Variants in FIG4 observed in about 807,000 individuals in gnomAD.
The protein encoded by FIG4 is polyphosphoinositide phosphatase.
FIG4 carries 112 observed loss-of-function variants against 118.6 expected under a neutral mutation model. That is an observed-to-expected ratio of 0.94 (90% CI 0.81 to 1.11). The LOEUF is 1.11. Among genes scored for constraint, FIG4 ranks in the 50% least tolerant of loss-of-function variants. The probability of loss-of-function intolerance (pLI) is 0.00; values close to 1 mark genes in which losing one functional copy is unlikely to be tolerated. For synonymous variants in FIG4, 369 were observed against 381.2 expected (o/e 0.97, Z 0.37); for missense variants, 969 against 1,111.7 (o/e 0.87, Z 1.83).
intron 3 of FIG4, 61 bp downstream of exon 3, chr6:109,716,629 G>T: frequency 5.1e-6 from 8 of 1,582,012 alleles, no homozygotes; most frequent in Non-Finnish European, 6.1e-6. Flanking sequence ...TCTCTACATA[G>T]ACTACTTAAA....
intron 22 of FIG4, among the ~76,000 whole-genome samples, chr6:109,818,261 C>T (rs1016739852): frequency 2.6e-5 from 4 of 151,666 alleles, no homozygotes; most frequent in Admixed American, 2.6e-4. Flanking sequence ...AGGGCAATGG[C>T]GCGATCTTGG....
intron 1 of FIG4, among the ~76,000 whole-genome samples, chr6:109,706,021 T>C (rs1051276815): frequency 8.5e-5 from 13 of 152,312 alleles, no homozygotes; most frequent in Non-Finnish European, 1.3e-4. Flanking sequence ...AAATGATTAC[T>C]CTGTGGTACA....
intron 10 of FIG4, among the ~76,000 whole-genome samples, chr6:109,759,098 G>C (rs942439549): frequency 6.6e-6 from 1 of 152,114 alleles, no homozygotes; most frequent in Non-Finnish European, 1.5e-5. Flanking sequence ...CCATTACTGG[G>C]TATATACTCA....
chr6:109,765,091 C>G lies in FIG4; in HGVS notation c.1513C>G (p.Leu505Val), dbSNP rs765859184. Residue 505 changes from leucine to valine, a missense_variant, in exon 14 of 23, where the codon CTG becomes GTG. Leu to Val is a conservative substitution (Grantham distance 32, BLOSUM62 1). Coordinates refer to ENST00000230124, the MANE Select transcript of FIG4 (RefSeq NM_014845.6). The part of the protein sequence containing the change: ...TAQFMVGKCA[L>V]AYQLYSLGLI... Reference sequence around the variant, plus strand: ...ACAGTTTATGGTGGGAAAATGTGCTCTGGCCTATCAGCTGTATTCACTGGG... The same window carrying G: ...ACAGTTTATGGTGGGAAAATGTGCTGTGGCCTATCAGCTGTATTCACTGGG... 6.2e-7 allele frequency: 1 copy of G among 1,613,806 alleles called. No homozygotes were observed. Among genetic ancestry groups the G allele is most frequent in the African/African-American group, 1.3e-5 (1 of 75,020 alleles).
chr6:109,767,189 T>C (rs1215987709), intron 15 of FIG4, among the ~76,000 whole-genome samples: 1 of 152,210 alleles, frequency 6.6e-6, no homozygotes, highest in African/African-American at 2.4e-5. Context: ...GCTTGCAGTA[T>C]ATAGATAAAA....
intron 22 of FIG4, among the ~76,000 whole-genome samples, chr6:109,798,108 T>C (rs1166173726): frequency 6.6e-6 from 1 of 152,188 alleles, no homozygotes; most frequent in African/African-American, 2.4e-5. Flanking sequence ...AGGTTCTTAA[T>C]TGATGGCTCA....
chr6:109,818,828 A>G (rs1778930544), intron 22 of FIG4, among the ~76,000 whole-genome samples: 1 of 152,210 alleles, frequency 6.6e-6, no homozygotes, highest in African/African-American at 2.4e-5. Context: ...TTCAAATCAA[A>G]GCACTTGAGT....
At chr6:109,760,429 T>A in intron 11 of FIG4, 46 bp downstream of exon 11, 1 of 1,546,898 alleles carries the variant, frequency 6.5e-7, no homozygotes, top group African/African-American at 1.4e-5. Context: ...CCTTTTCTTG[T>A]GATGAGAAAT....
At position 109,735,180 on chromosome 6, in the gene FIG4, A is replaced by G. The variant is rs1562652753; in HGVS notation, c.528A>G (p.Gln176=). ...SYSYDLSHSL[Q]YNLTVLRMPL... is the part of the protein sequence containing the mutation. ...GCTATGATTTGTCCCACTCACTTCAATATAATCTCACTGTCTTGCGAATGC... is the reference window on the plus strand; with the variant it reads ...GCTATGATTTGTCCCACTCACTTCAGTATAATCTCACTGTCTTGCGAATGC... The change falls in exon 6 of 23, where the codon CAA becomes CAG. Residue 176 remains glutamine, a synonymous_variant. Transcript: ENST00000230124. 3.1e-6 allele frequency: 5 copies of G among 1,613,086 alleles called. No individual in the cohort carries two copies. Among genetic ancestry groups the G allele is most frequent in the East Asian group, 2.2e-5 (1 of 44,844 alleles).
At chr6:109,716,388 T>G (rs2128381565) in intron 2 of FIG4, 57 bp from the exon 3 acceptor site, 1 of 1,592,804 alleles carries the variant, frequency 6.3e-7, no homozygotes, top group East Asian at 2.2e-5. Flanking sequence ...CAGGCACAAA[T>G]AATAAATAAT....
At chr6:109,772,708 C>T (rs1427518572) in intron 15 of FIG4, among the ~76,000 whole-genome samples, 1 of 152,150 alleles carries the variant, frequency 6.6e-6, no homozygotes, top group African/African-American at 2.4e-5. Context: ...CCGCCTCAGC[C>T]TCCCAAAGTG....
chr6:109,813,715 G>T (rs888841412), intron 22 of FIG4, among the ~76,000 whole-genome samples: 2 of 152,106 alleles, frequency 1.3e-5, no homozygotes, highest in African/African-American at 4.8e-5. Context: ...TTGTGACCAC[G>T]AGCATACAGC....
intron 1 of FIG4, among the ~76,000 whole-genome samples, chr6:109,712,870 C>A (rs1775307606): frequency 6.6e-6 from 1 of 152,166 alleles, no homozygotes; most frequent in African/African-American, 2.4e-5. Flanking sequence ...GCTAATGTTT[C>A]TTCAATCTTT....
At chr6:109,815,236 G>A (rs1215110393) in intron 22 of FIG4, among the ~76,000 whole-genome samples, 5 of 151,922 alleles carry the variant, frequency 3.3e-5, no homozygotes, top group South Asian at 4.2e-4. Flanking sequence ...AGACATGAAC[G>A]CCCTTCCTTC....
chr6:109,761,966 C>A, intron 11 of FIG4, 125 bp from the exon 12 acceptor site: 1 of 680,030 alleles, frequency 1.5e-6, no homozygotes, highest in Non-Finnish European at 2.7e-6. Flanking sequence ...CAAGTACCAG[C>A]CAAGAGATTT....
intron 1 of FIG4, among the ~76,000 whole-genome samples, chr6:109,706,367 T>C (rs1775065842): frequency 6.6e-6 from 1 of 152,186 alleles, no homozygotes; most frequent in South Asian, 2.1e-4. Flanking sequence ...AACACCAGCC[T>C]GCTCTGACCA....
chr6:109,789,674 T>G lies in FIG4; in HGVS notation c.2177T>G (p.Leu726Trp), dbSNP rs1778084158. Reference sequence around the variant, plus strand: ...CCAGATGAAACTGGAAAATCAGTATTGGGGTAAGATTTGTGTATAGAACGA... The same window carrying G: ...CCAGATGAAACTGGAAAATCAGTATGGGGGTAAGATTTGTGTATAGAACGA... Reference protein sequence around the residue: ...RKPDETGKSVLGNKSNREEAV... With the variant: ...RKPDETGKSVWGNKSNREEAV... The change falls in exon 19 of 23, where the codon TTG (leucine) becomes TGG (tryptophan). Residue 726 changes from leucine to tryptophan, a missense_variant. Physicochemically the swap from Leu to Trp is moderately conservative, Grantham distance 61. Coordinates refer to ENST00000230124, the MANE Select transcript of FIG4 (RefSeq NM_014845.6). The G allele has an allele frequency of 6.2e-7, 1 of 1,606,306 alleles. No homozygotes were observed. The highest frequency in any genetic ancestry group is 8.5e-7 in the Non-Finnish European group (1 of 1,173,000).
At chr6:109,768,726 A>G (rs1037159417) in intron 15 of FIG4, among the ~76,000 whole-genome samples, 9 of 152,134 alleles carry the variant, frequency 5.9e-5, no homozygotes, top group Non-Finnish European at 1.2e-4. Context: ...AATGGGAGTG[A>G]CATCCCGTCA....
At chr6:109,783,344 C>T (rs1448696216) in intron 16 of FIG4, among the ~76,000 whole-genome samples, 1 of 152,174 alleles carries the variant, frequency 6.6e-6, no homozygotes, top group African/African-American at 2.4e-5. Context: ...GGCCCATTTC[C>T]AGTATCAGCT....
Sources: gnomAD v4.1 joint callset for allele counts (sites outside exome capture counted in the v4.1 genomes callset) on GRCh38, gnomAD v4.1.1 for gene constraint, MANE v1.5 for transcripts, NCBI Gene and HGNC (gene_info 2026-07-23, HGNC 2026-07-21) for gene names.